TMEM238: variants seen among roughly 807,000 people sequenced by gnomAD.
TMEM238 encodes transmembrane protein 238.
For missense variants in TMEM238, 169 were observed against 206.8 expected, an observed-to-expected ratio of 0.82 and a Z score of 1.12; for synonymous variants, 103 against 111.5, an observed-to-expected ratio of 0.92 and a Z score of 0.48.
chr19:55,380,292 CT>C (rs1419591546), intron 1 of TMEM238, among the ~76,000 whole-genome samples: 3 of 49,656 alleles, frequency 6.0e-5, no homozygotes, highest in Non-Finnish European at 7.9e-5. Context: ...CCCCTCCCCC[CT>C]TCCCCCCTCC....
In TMEM238 at chr19:55,384,077, C is replaced by T; in HGVS notation, c.183G>A (p.Gln61=). The T allele has an allele frequency of 1.4e-6, 2 of 1,475,826 alleles. No individual in the cohort carries two copies. Among genetic ancestry groups the T allele is most frequent in the Admixed American group, 2.1e-5 (1 of 47,354 alleles). 91.4% of individuals were successfully genotyped at this position (1,475,826 alleles called of 1,614,324 possible). A position where few individuals can be genotyped will look rare whatever the true frequency, so the allele number is the denominator to read the frequency against. The part of the protein sequence containing the change: ...ALLTGVFAQL[Q]VRGRDFGDLL... ...GGTCCCCGAAGTCGCGGCCGCGCAC[C>T]TGCAGCTGCGCGAACACGCCGGTCA... Residue 61 remains glutamine (Q), a synonymous_variant, in exon 1 of 2, where the codon CAG becomes CAA. Transcript: ENST00000444469. This position sits in a 1 kb window ranked among gnomAD's most constrained non-coding sequence, Gnocchi z 5.6.
Position 55,379,277 on chromosome 19 carries a change from G to A in TMEM238, c.*98C>T, listed in dbSNP as rs1325598159. 1 of 152,300 alleles carries A rather than the reference G, an allele frequency of 6.6e-6. No homozygotes were observed. Among genetic ancestry groups the A allele is most frequent in the East Asian group, 1.9e-4 (1 of 5,204 alleles). The allele number at this position is 152,300 out of a possible 1,614,324, so 9.4% of individuals were successfully genotyped here. A position where few individuals can be genotyped will look rare whatever the true frequency, so the allele number is the denominator to read the frequency against. On this transcript the variant is annotated 3_prime_UTR_variant, in exon 2 of 2. Coordinates refer to ENST00000444469, the MANE Select transcript of TMEM238 (RefSeq NM_001190764.2). ...ATCTGCTTTTTATCCAAGTGAGGAG[G>A]GAGGGGGTACAGGGAGCGTCCGTCT... is the stretch of plus-strand genomic sequence containing the variant.
Position 55,383,230 on chromosome 19 carries a change from G to A in TMEM238, c.*7+492C>T, listed in dbSNP as rs116752411. Among the ~76,000 whole-genome samples the A allele has an allele frequency of 2.3e-3, 347 of 152,306 alleles. 1 individual carries two copies. In the Middle Eastern group the frequency reaches 0.024, roughly 10 times the overall value. On this transcript the variant is annotated intron_variant, in intron 1 of 1. Coordinates refer to ENST00000444469, the MANE Select transcript of TMEM238 (RefSeq NM_001190764.2). This position sits in a 1 kb window ranked among gnomAD's most constrained non-coding sequence, Gnocchi z 4.9. The stretch of plus-strand genomic sequence containing the variant: ...GTCTCTACTAAATATACAAAAATTA[G>A]CCCGGCAAGGTGGGGCGCACATGTA...
At chr19:55,382,613 A>G (rs549336287) in intron 1 of TMEM238, among the ~76,000 whole-genome samples, 4 of 152,326 alleles carry the variant, frequency 2.6e-5, no homozygotes, top group Non-Finnish European at 5.9e-5. Context: ...TCTGTGGACT[A>G]AGAGACACCA....
rs1216512377 is a variant in TMEM238 at position 55,384,195 on chromosome 19, G to A, written c.65C>T (p.Ala22Val). The A allele has an allele frequency of 8.6e-7, 1 of 1,167,802 alleles. No individual in the cohort carries two copies. The allele number at this position is 1,167,802 out of a possible 1,614,324, so 72.3% of individuals were successfully genotyped here. A position where few individuals can be genotyped will look rare whatever the true frequency, so the allele number is the denominator to read the frequency against. The change falls in exon 1 of 2, where the codon GCG becomes GTG. Residue 22 changes from alanine (A) to valine (V), a missense_variant. Transcript: ENST00000444469. The surrounding 1 kb of genome is among the most constrained non-coding windows in gnomAD (Gnocchi z 5.6). ...GCCGGCCGCGGGTGCTGGCGCGGCC[G>A]CCGGCGCGGACGGTGCACCCGGCGG... The part of the protein sequence containing the change: ...GSPPGAPSAP[A>V]AAPAPAAGLG...
At chr19:55,381,806 T>TC (rs2089888054) in intron 1 of TMEM238, among the ~76,000 whole-genome samples, 1 of 152,082 alleles carries the variant, frequency 6.6e-6, no homozygotes, top group South Asian at 2.1e-4. Flanking sequence ...CTCTGAGGCC[T>TC]CCCCAGTACC....
chr19:55,382,742 C>T (rs1434070545), intron 1 of TMEM238, among the ~76,000 whole-genome samples: 1 of 152,080 alleles, frequency 6.6e-6, no homozygotes, highest in African/African-American at 2.4e-5. Context: ...CAGAGGCAGG[C>T]TAGCTGGAAA....
chr19:55,384,222 C>T lies in TMEM238; in HGVS notation c.38G>A (p.Ser13Asn). ...CGGCGCGGACGGTGCACCCGGCGGG[C>T]TCCCCTGCGAGGCGCACACCGCTGG... ...AAPAVCASQG[S>N]PPGAPSAPAA... The change falls in exon 1 of 2, where the codon AGC becomes AAC. Residue 13 changes from serine to asparagine, a missense_variant. Transcript: ENST00000444469. This position sits in a 1 kb window ranked among gnomAD's most constrained non-coding sequence, Gnocchi z 5.6. 8.8e-7 allele frequency: 1 copy of T among 1,142,812 alleles called. No homozygotes were observed. Among genetic ancestry groups the T allele is most frequent in the Non-Finnish European group, 1.1e-6 (1 of 935,028 alleles). The allele number at this position is 1,142,812 out of a possible 1,614,324, so 70.8% of individuals were successfully genotyped here.
chr19:55,380,823 T>A (rs1339062028), intron 1 of TMEM238, among the ~76,000 whole-genome samples: 1 of 151,746 alleles, frequency 6.6e-6, no homozygotes, highest in Non-Finnish European at 1.5e-5. Flanking sequence ...CTGCAGCCTT[T>A]GCCTCCCAGG....
chr19:55,379,527 T>C (rs2089876146), intron 1 of TMEM238, among the ~76,000 whole-genome samples, 160 bp from the exon 2 acceptor site: 1 of 152,062 alleles, frequency 6.6e-6, no homozygotes, highest in Non-Finnish European at 1.5e-5. Context: ...ATGCCCCCAT[T>C]TGCTGAGTGT....
chr19:55,384,287 A>G lies in TMEM238; in HGVS notation c.-28T>C. On this transcript the variant is annotated 5_prime_UTR_variant, in exon 1 of 2. Coordinates refer to ENST00000444469, the MANE Select transcript of TMEM238 (RefSeq NM_001190764.2). The surrounding 1 kb of genome is among the most constrained non-coding windows in gnomAD (Gnocchi z 5.6). ...CCCTGCACCGCCGCCGCTGGCGCCC[A>G]GAGAGAGCGTTCCGGGGTGCGGCCC... The G allele has an allele frequency of 9.3e-7, 1 of 1,072,888 alleles. No individual in the cohort carries two copies. Among genetic ancestry groups the G allele is most frequent in the South Asian group, 4.4e-5 (1 of 22,830 alleles). 66.5% of individuals were successfully genotyped at this position (1,072,888 alleles called of 1,614,324 possible).
At position 55,384,187 on chromosome 19, in the gene TMEM238, GCGCGGCCGCCGGCGCGGACGGTGC is replaced by G; in HGVS notation, c.49_72del (p.Ala17_Ala24del). ...CGGCCCAGGCCGGCCGCGGGTGCTG[GCGCGGCCGCCGGCGCGGACGGTGC>G]ACCCGGCGGGCTCCCCTGCGAGGCG... On this transcript the variant is annotated inframe_deletion, in exon 1 of 2. Coordinates refer to ENST00000444469, the MANE Select transcript of TMEM238 (RefSeq NM_001190764.2). The surrounding 1 kb of genome is among the most constrained non-coding windows in gnomAD (Gnocchi z 5.6). 1 of 1,172,946 alleles carries G rather than the reference GCGCGGCCGCCGGCGCGGACGGTGC, an allele frequency of 8.5e-7. No individual in the cohort carries two copies. Among genetic ancestry groups the G allele is most frequent in the Non-Finnish European group, 1.0e-6 (1 of 954,568 alleles). 72.7% of individuals were successfully genotyped at this position (1,172,946 alleles called of 1,614,324 possible). A position where few individuals can be genotyped will look rare whatever the true frequency, so the allele number is the denominator to read the frequency against.
intron 1 of TMEM238, among the ~76,000 whole-genome samples, chr19:55,381,823 C>T (rs2089888122): frequency 6.6e-6 from 1 of 152,178 alleles, no homozygotes; most frequent in Non-Finnish European, 1.5e-5. Context: ...TACCATGCTG[C>T]ATGGGTGAGG....
At chr19:55,382,158 C>A (rs1360797945) in intron 1 of TMEM238, among the ~76,000 whole-genome samples, 1 of 151,894 alleles carries the variant, frequency 6.6e-6, no homozygotes, top group East Asian at 1.9e-4. Context: ...CATCGATCTA[C>A]CCATCCACCC....
chr19:55,383,693 C>G lies in TMEM238; in HGVS notation c.*7+29G>C. ...CCCGTCCCTCCCTCGGTCCCTCCGTCTCCCCGCCCTGCCCCGCCCGCCCCT... is the reference window on the plus strand; with the variant it reads ...CCCGTCCCTCCCTCGGTCCCTCCGTGTCCCCGCCCTGCCCCGCCCGCCCCT... On this transcript the variant is annotated intron_variant, in intron 1 of 1. Coordinates refer to ENST00000444469, the MANE Select transcript of TMEM238 (RefSeq NM_001190764.2). The surrounding 1 kb of genome is among the most constrained non-coding windows in gnomAD (Gnocchi z 4.9). 3.8e-6 allele frequency: 1 copy of G among 265,878 alleles called. No individual in the cohort carries two copies. The highest frequency in any genetic ancestry group is 1.5e-4 in the South Asian group (1 of 6,476). 16.5% of individuals were successfully genotyped at this position (265,878 alleles called of 1,614,324 possible).
At chr19:55,379,818 C>T (rs570195154) in intron 1 of TMEM238, among the ~76,000 whole-genome samples, 2 of 152,136 alleles carry the variant, frequency 1.3e-5, no homozygotes, top group South Asian at 4.2e-4. Flanking sequence ...TCACTTGAGC[C>T]CAGGAGTTTG....
chr19:55,383,879 G>A lies in TMEM238; in HGVS notation c.381C>T (p.Ala127=). Residue 127 remains alanine (A), a synonymous_variant, in exon 1 of 2, where the codon GCC becomes GCT. Transcript: ENST00000444469. This position sits in a 1 kb window ranked among gnomAD's most constrained non-coding sequence, Gnocchi z 4.9. ...CGGGCGCGGGGCGCTGGCCCGCGGC[G>A]GCGGGCGCCGACCAGCGGCGGGAGA... ...RKLSRRWSAP[A]AAGQRPAPGS... The A allele has an allele frequency of 9.6e-7, 1 of 1,037,578 alleles. No homozygotes were observed. The highest frequency in any genetic ancestry group is 4.5e-5 in the South Asian group (1 of 22,246). 64.3% of individuals were successfully genotyped at this position (1,037,578 alleles called of 1,614,324 possible). A position where few individuals can be genotyped will look rare whatever the true frequency, so the allele number is the denominator to read the frequency against.
At chr19:55,381,030 T>C (rs570319209) in intron 1 of TMEM238, among the ~76,000 whole-genome samples, 1 of 152,348 alleles carries the variant, frequency 6.6e-6, no homozygotes, top group East Asian at 1.9e-4. Flanking sequence ...GTTCCTTCAC[T>C]GAATCACGGC....
rs2089895961 is a variant in TMEM238, at chr19:55,383,823, G to A, written c.437C>T (p.Ala146Val). The change falls in exon 1 of 2, where the codon GCG (alanine) becomes GTG (valine). Residue 146 changes from alanine to valine, a missense_variant. Physicochemically the swap from Ala to Val is moderately conservative, Grantham distance 64 (BLOSUM62 0). Coordinates refer to ENST00000444469, the MANE Select transcript of TMEM238 (RefSeq NM_001190764.2). The surrounding 1 kb of genome is among the most constrained non-coding windows in gnomAD (Gnocchi z 4.9). ...GSRRARRAAR[A>V]PPPPAAGSRR... Reference sequence around the variant, plus strand: ...GGAGCCGGCGGCGGGCGGCGGGGGCGCGCGGGCGGCTCGGCGCGCTCTCCG... The same window carrying A: ...GGAGCCGGCGGCGGGCGGCGGGGGCACGCGGGCGGCTCGGCGCGCTCTCCG... 1 of 549,790 alleles carries A rather than the reference G, an allele frequency of 1.8e-6. No individual in the cohort carries two copies. Among genetic ancestry groups the A allele is most frequent in the South Asian group, 7.7e-5 (1 of 12,948 alleles). The allele number at this position is 549,790 out of a possible 1,614,324, so 34.1% of individuals were successfully genotyped here.
Sources: gnomAD v4.1 joint callset for allele counts (sites outside exome capture counted in the v4.1 genomes callset) on GRCh38, gnomAD v4.1.1 for gene constraint, Gnocchi (gnomAD v3.1) non-coding constraint, MANE v1.5 for transcripts, NCBI Gene and HGNC (gene_info 2026-07-23, HGNC 2026-07-21) for gene names.